The following MAGI1 variants were observed in gnomAD, a reference collection of about 807,000 sequenced individuals.
MAGI1 encodes the protein membrane associated guanylate kinase, WW and PDZ domain containing 1.
A neutral mutation model predicts 139.9 loss-of-function variants in MAGI1; 58 were observed. The observed-to-expected ratio is 0.41, with a 90% CI of 0.34 to 0.52. The LOEUF is 0.52. Among genes scored for constraint, MAGI1 ranks in the 20% least tolerant of loss-of-function variants. MAGI1 has a pLI of 0.12. For synonymous variants in MAGI1, 812 were observed against 737.9 expected (o/e 1.10, Z -1.63); for missense variants, 1,874 against 1,901.6 (o/e 0.99, Z 0.27).
intron 1 of MAGI1, among the ~76,000 whole-genome samples, chr3:65,871,079 C>T (rs1245110073): frequency 6.6e-6 from 1 of 152,106 alleles, no homozygotes; most frequent in Non-Finnish European, 1.5e-5. Context: ...GCTGGAACTA[C>T]AGGCACACAC....
chr3:65,604,863 G>A (rs1161323466), intron 2 of MAGI1, among the ~76,000 whole-genome samples: 1 of 152,108 alleles, frequency 6.6e-6, no homozygotes, highest in African/African-American at 2.4e-5. Flanking sequence ...AACAGATGTG[G>A]AACATTTTCC....
chr3:65,581,190 G>C (rs895657771), intron 2 of MAGI1, among the ~76,000 whole-genome samples: 5 of 152,124 alleles, frequency 3.3e-5, no homozygotes, highest in African/African-American at 7.2e-5. Flanking sequence ...TATATCCAAA[G>C]AGCATCCAGA....
chr3:66,037,233 G>A (rs1284663717), intron 1 of MAGI1, among the ~76,000 whole-genome samples: 9 of 152,168 alleles, frequency 5.9e-5, no homozygotes, highest in Non-Finnish European at 1.0e-4. Context: ...GTGAGATAGT[G>A]CAAGTAAAGT....
chr3:65,640,442 T>C (rs1470057045), intron 1 of MAGI1, among the ~76,000 whole-genome samples: 4 of 152,172 alleles, frequency 2.6e-5, no homozygotes, highest in African/African-American at 9.6e-5. Context: ...ATACTTATCT[T>C]GCTCTCACCT....
chr3:65,901,488 T>A (rs1415882971), intron 1 of MAGI1, among the ~76,000 whole-genome samples: 1 of 152,198 alleles, frequency 6.6e-6, no homozygotes, highest in Non-Finnish European at 1.5e-5. Flanking sequence ...GGCAAAACGC[T>A]GCAAAGGGGA....
At chr3:65,989,283 C>T (rs1043247300) in intron 1 of MAGI1, among the ~76,000 whole-genome samples, 1 of 152,156 alleles carries the variant, frequency 6.6e-6, no homozygotes, top group Non-Finnish European at 1.5e-5. Context: ...ACATTCTCAG[C>T]TCAGTGTTTT....
intron 12 of MAGI1, among the ~76,000 whole-genome samples, chr3:65,428,740 T>A (rs1022387396): frequency 2.0e-5 from 3 of 152,130 alleles, no homozygotes; most frequent in Non-Finnish European, 4.4e-5. Context: ...AATAAAAGCA[T>A]GAAATAACGT....
intron 2 of MAGI1, among the ~76,000 whole-genome samples, chr3:65,508,122 G>A (rs1163985597): frequency 2.0e-5 from 3 of 152,130 alleles, no homozygotes; most frequent in East Asian, 1.9e-4. Flanking sequence ...AAATAAAATC[G>A]GCCGGGCGCG....
At chr3:65,840,473 G>T (rs1440321725) in intron 1 of MAGI1, among the ~76,000 whole-genome samples, 1 of 152,116 alleles carries the variant, frequency 6.6e-6, no homozygotes, top group African/African-American at 2.4e-5. Flanking sequence ...ATCATGGATA[G>T]GCATTACATT....
intron 2 of MAGI1, among the ~76,000 whole-genome samples, chr3:65,534,320 A>AAAAT (rs1440475716): frequency 2.0e-5 from 3 of 152,082 alleles, no homozygotes; most frequent in Non-Finnish European, 2.9e-5. Flanking sequence ...CATCTCTACA[A>AAAAT]AAATAAATAA....
Position 65,617,999 on chromosome 3 carries a change from G to A in MAGI1, c.430+3973C>T, listed in dbSNP as rs2083461328. Among the ~76,000 whole-genome samples the A allele has an allele frequency of 2.0e-5, 3 of 152,158 alleles. No individual in the cohort carries two copies. The South Asian group carries it at 6.2e-4, about 32-fold the overall frequency. On this transcript the variant is annotated intron_variant, in intron 2 of 22. Transcript: ENST00000402939. ...TGAAGGAGGTCACGGAGTGCAGCTT[G>A]GGGAGTAGGGGGAGAGGGCAACAGG... is the stretch of plus-strand genomic sequence containing the variant.
At chr3:65,741,676 AT>A (rs1481688436) in intron 1 of MAGI1, among the ~76,000 whole-genome samples, 2 of 152,192 alleles carry the variant, frequency 1.3e-5, no homozygotes, top group Non-Finnish European at 2.9e-5. Context: ...ATTTTAAACC[AT>A]GCTTCTGTAC....
intron 1 of MAGI1, among the ~76,000 whole-genome samples, chr3:65,643,245 G>A (rs1375846700): frequency 2.0e-5 from 3 of 152,040 alleles, no homozygotes; most frequent in Non-Finnish European, 2.9e-5. Flanking sequence ...AAAAGAACTG[G>A]ATAAATACAT....
At chr3:65,590,364 T>G (rs2081914194) in intron 2 of MAGI1, among the ~76,000 whole-genome samples, 1 of 152,184 alleles carries the variant, frequency 6.6e-6, no homozygotes, top group African/African-American at 2.4e-5. Context: ...AACAACTATT[T>G]GTTTGATTAA....
chr3:66,017,195 C>T, intron 1 of MAGI1, among the ~76,000 whole-genome samples: 1 of 152,220 alleles, frequency 6.6e-6, no homozygotes, highest in East Asian at 1.9e-4. Context: ...CATGAAGTGC[C>T]AAGTTGCACT....
intron 4 of MAGI1, among the ~76,000 whole-genome samples, chr3:65,477,711 A>ATTATTTT (rs376492339): frequency 6.4e-5 from 9 of 141,612 alleles, no homozygotes; most frequent in East Asian, 2.0e-4. Flanking sequence ...TATTATTATT[A>ATTATTTT]TTTTTTTTTT....
intron 1 of MAGI1, among the ~76,000 whole-genome samples, chr3:65,669,864 C>G (rs964328980): frequency 6.6e-6 from 1 of 152,136 alleles, no homozygotes; most frequent in Non-Finnish European, 1.5e-5. Context: ...ATTATTTGTG[C>G]TGTTGTCGGT....
intron 1 of MAGI1, among the ~76,000 whole-genome samples, chr3:65,675,337 A>G (rs753054254): frequency 6.6e-6 from 1 of 152,216 alleles, no homozygotes; most frequent in Non-Finnish European, 1.5e-5. Flanking sequence ...ATGCTTGCCT[A>G]GAATAAATCA....
At chr3:65,678,647 C>A (rs1219308948) in intron 1 of MAGI1, among the ~76,000 whole-genome samples, 5 of 152,164 alleles carry the variant, frequency 3.3e-5, no homozygotes, top group Non-Finnish European at 7.3e-5. Context: ...TGACACTAAC[C>A]CACAGCTTGC....
Sources: allele counts gnomAD v4.1 joint callset (sites outside exome capture counted in the v4.1 genomes callset), GRCh38; gene constraint gnomAD v4.1.1; transcripts MANE v1.5; gene names NCBI Gene and HGNC (gene_info 2026-07-23, HGNC 2026-07-21).